NRXN1: variants seen among roughly 807,000 people sequenced by gnomAD.
NRXN1 encodes neurexin 1.
A neutral mutation model predicts 150.9 loss-of-function variants in NRXN1; 39 were observed. That is an observed-to-expected ratio of 0.26 (90% CI 0.20 to 0.34). The LOEUF (loss-of-function observed/expected upper bound fraction) is 0.34. NRXN1 is among the 10% of genes least tolerant of loss of function. The pLI is 1.00. For synonymous variants in NRXN1, 924 were observed against 757.0 expected (o/e 1.22, Z -3.62); for missense variants, 1,815 against 1,949.9 (o/e 0.93, Z 1.30).
At chr2:50,922,588 T>C in intron 4 of NRXN1, 70 bp downstream of exon 4, 1 of 1,446,438 alleles carries the variant, frequency 6.9e-7, no homozygotes, top group Non-Finnish European at 9.6e-7. Flanking sequence ...TCCTTTGCAG[T>C]GATGGTTTGA....
At chr2:50,847,266 A>C (rs1001789664) in intron 5 of NRXN1, among the ~76,000 whole-genome samples, 1 of 152,086 alleles carries the variant, frequency 6.6e-6, no homozygotes. Context: ...TTCCTTCTTA[A>C]ATTATTTTAA....
At chr2:50,254,540 A>G (rs1018800797) in intron 17 of NRXN1, among the ~76,000 whole-genome samples, 3 of 151,542 alleles carry the variant, frequency 2.0e-5, no homozygotes, top group South Asian at 4.1e-4. Context: ...TAGCATTTTT[A>G]TATGAGTATT....
chr2:50,739,364 C>T (rs1247946101), intron 5 of NRXN1: 2 of 366,362 alleles, frequency 5.5e-6, no homozygotes, highest in East Asian at 7.5e-5. Flanking sequence ...AAATGTAATT[C>T]TATTTCTTTT....
chr2:50,917,454 G>C (rs916529112), intron 5 of NRXN1: 1 of 151,688 alleles, frequency 6.6e-6, no homozygotes, highest in Non-Finnish European at 1.5e-5. Flanking sequence ...CACAGGACTT[G>C]AAAATGGTAT....
intron 18 of NRXN1, among the ~76,000 whole-genome samples, chr2:50,212,146 C>T (rs1201102541): frequency 2.0e-5 from 3 of 151,496 alleles, no homozygotes; most frequent in African/African-American, 7.3e-5. Context: ...TATATTTTTC[C>T]AAATTTATAA....
intron 2 of NRXN1, among the ~76,000 whole-genome samples, chr2:50,972,343 T>G (rs1342146728): frequency 6.6e-6 from 1 of 152,192 alleles, no homozygotes; most frequent in East Asian, 1.9e-4. Flanking sequence ...TTGATCTACT[T>G]TTACCCAGGG....
chr2:50,010,951 G>A (rs1685563199), intron 21 of NRXN1, among the ~76,000 whole-genome samples: 1 of 152,072 alleles, frequency 6.6e-6, no homozygotes, highest in South Asian at 2.1e-4. Flanking sequence ...AAATCATTGA[G>A]AGTCAAAAAG....
chr2:50,294,796 A>G (rs1298574445), intron 17 of NRXN1, among the ~76,000 whole-genome samples: 6 of 152,210 alleles, frequency 3.9e-5, no homozygotes, highest in Admixed American at 3.9e-4. Flanking sequence ...CTGAAGACAC[A>G]GGAATAATGG....
intron 13 of NRXN1, 76 bp from the exon 14 acceptor site, chr2:50,497,790 C>G: frequency 7.2e-7 from 1 of 1,395,848 alleles, no homozygotes; most frequent in Non-Finnish European, 9.8e-7. Context: ...ATAACAATAT[C>G]ACATTCTAAA....
At chr2:50,856,593 T>C (rs1467410688) in intron 5 of NRXN1, among the ~76,000 whole-genome samples, 4 of 152,098 alleles carry the variant, frequency 2.6e-5, no homozygotes, top group East Asian at 3.9e-4. Flanking sequence ...AAACCTAGTA[T>C]CTATAAATTA....
intron 8 of NRXN1, among the ~76,000 whole-genome samples, chr2:50,581,415 A>G (rs536666823): frequency 5.3e-5 from 8 of 152,288 alleles, no homozygotes; most frequent in South Asian, 2.1e-4. Flanking sequence ...CAAATAATTA[A>G]AACTCAAATA....
intron 21 of NRXN1, among the ~76,000 whole-genome samples, chr2:49,998,793 T>C (rs1024212739): frequency 2.0e-5 from 3 of 152,054 alleles, no homozygotes; most frequent in Non-Finnish European, 2.9e-5. Flanking sequence ...CACGAAGTAG[T>C]GTAGGTGCTT....
chr2:50,961,087 AGAGAT>A (rs1455109942), intron 2 of NRXN1, among the ~76,000 whole-genome samples: 1 of 151,920 alleles, frequency 6.6e-6, no homozygotes, highest in Non-Finnish European at 1.5e-5. Flanking sequence ...ATGCTGATAC[AGAGAT>A]AAGACTTTAA....
At chr2:50,618,991 A>G (rs1051387201) in intron 8 of NRXN1, 4 of 152,072 alleles carry the variant, frequency 2.6e-5, no homozygotes, top group African/African-American at 4.8e-5. Flanking sequence ...GGATTATTCT[A>G]TATACATCCA....
At chr2:50,075,717 A>T (rs1372127794) in intron 19 of NRXN1, among the ~76,000 whole-genome samples, 2 of 152,152 alleles carry the variant, frequency 1.3e-5, no homozygotes, top group African/African-American at 4.8e-5. Context: ...CCACTGTGGA[A>T]ATTTAAAAAA....
At chr2:50,196,458 T>G (rs1480821106) in intron 18 of NRXN1, among the ~76,000 whole-genome samples, 1 of 152,128 alleles carries the variant, frequency 6.6e-6, no homozygotes, top group East Asian at 1.9e-4. Flanking sequence ...GTGCTAGTCA[T>G]GTTTGTGACT....
chr2:50,894,086 T>C (rs1024740550), intron 5 of NRXN1, among the ~76,000 whole-genome samples: 1 of 151,902 alleles, frequency 6.6e-6, no homozygotes, highest in African/African-American at 2.4e-5. Context: ...CTGGGGACTG[T>C]TGTGGGTTGG....
intron 5 of NRXN1, among the ~76,000 whole-genome samples, chr2:50,679,414 G>A (rs1690030141): frequency 6.6e-6 from 1 of 152,126 alleles, no homozygotes; most frequent in African/African-American, 2.4e-5. Flanking sequence ...GCAAGGAAGA[G>A]AGCATAGGCA....
intron 5 of NRXN1, among the ~76,000 whole-genome samples, chr2:50,734,497 A>C (rs1188999661): frequency 6.6e-6 from 1 of 152,150 alleles, no homozygotes; most frequent in African/African-American, 2.4e-5. Flanking sequence ...CATCATATTT[A>C]TGATTACTTT....
Sources: allele counts gnomAD v4.1 joint callset (sites outside exome capture counted in the v4.1 genomes callset), GRCh38; gene constraint gnomAD v4.1.1; transcripts MANE v1.5; gene names NCBI Gene and HGNC (gene_info 2026-07-23, HGNC 2026-07-21).